FGF12: variants seen among roughly 807,000 people sequenced by gnomAD.
The protein encoded by FGF12 is fibroblast growth factor 12B.
In FGF12, 14 loss-of-function variants were observed where a neutral mutation model predicts 23.6. The ratio of observed to expected loss-of-function variants is 0.59; its 90% confidence interval spans 0.39 to 0.93. FGF12 has a LOEUF of 0.93. FGF12 is among the 40% of genes least tolerant of loss of function. FGF12 has a pLI of 0.00. For missense variants in FGF12, 175 were observed against 217.8 expected (o/e 0.80, Z 1.24); for synonymous variants, 62 against 77.3 (o/e 0.80, Z 1.04).
chr3:192,216,614 T>A (rs1718206354), intron 4 of FGF12, among the ~76,000 whole-genome samples: 1 of 152,240 alleles, frequency 6.6e-6, no homozygotes, highest in Non-Finnish European at 1.5e-5. Flanking sequence ...AAAAGAAAAT[T>A]ATTGACATTT....
At chr3:192,631,128 T>A (rs1191278291) in intron 2 of FGF12, among the ~76,000 whole-genome samples, 1 of 152,186 alleles carries the variant, frequency 6.6e-6, no homozygotes, top group African/African-American at 2.4e-5. Context: ...TTTTTTTGCC[T>A]TTGTTCTTAT....
chr3:192,289,547 G>A (rs1714646022), intron 4 of FGF12, among the ~76,000 whole-genome samples: 1 of 152,188 alleles, frequency 6.6e-6, no homozygotes. Flanking sequence ...GTGAGGAAGA[G>A]ACTGGAATCT....
intron 4 of FGF12, among the ~76,000 whole-genome samples, chr3:192,231,302 C>T (rs1042019126): frequency 4.0e-5 from 6 of 151,722 alleles, no homozygotes; most frequent in African/African-American, 1.5e-4. Context: ...TTTTACTAAG[C>T]TAAAATTTAA....
chr3:192,698,041 T>TA (rs1718179959), intron 2 of FGF12, among the ~76,000 whole-genome samples: 1 of 152,188 alleles, frequency 6.6e-6, no homozygotes, highest in Non-Finnish European at 1.5e-5. Context: ...ATGTTCTATT[T>TA]ATTTGATAGT....
At chr3:192,723,831 T>A (rs969842795) in intron 2 of FGF12, among the ~76,000 whole-genome samples, 1 of 130,954 alleles carries the variant, frequency 7.6e-6, no homozygotes, top group Non-Finnish European at 1.6e-5. Context: ...TAGGTGGGGG[T>A]CAGTGGGAGG....
intron 2 of FGF12, among the ~76,000 whole-genome samples, chr3:192,666,721 A>C (rs1205305436): frequency 1.3e-5 from 2 of 152,148 alleles, no homozygotes; most frequent in African/African-American, 4.8e-5. Context: ...TATTCAATGC[A>C]AATGTCCTGA....
At chr3:192,322,223 A>C (rs537217179) in intron 4 of FGF12, among the ~76,000 whole-genome samples, 6 of 152,070 alleles carry the variant, frequency 3.9e-5, no homozygotes, top group Non-Finnish European at 8.8e-5. Flanking sequence ...TTACAATAGC[A>C]ACAAATGAAA....
chr3:192,322,874 A>C (rs569030691), intron 4 of FGF12, among the ~76,000 whole-genome samples: 1 of 152,202 alleles, frequency 6.6e-6, no homozygotes, highest in Non-Finnish European at 1.5e-5. Flanking sequence ...CTTAAATCTA[A>C]GACCTCAAAG....
chr3:192,277,372 G>A (rs1021371071), intron 4 of FGF12, among the ~76,000 whole-genome samples: 13 of 151,856 alleles, frequency 8.6e-5, no homozygotes, highest in African/African-American at 3.2e-4. Context: ...TGGGCTGAAT[G>A]AGAAAGCATT....
chr3:192,414,215 C>T (rs898538780), intron 2 of FGF12, among the ~76,000 whole-genome samples: 3 of 152,122 alleles, frequency 2.0e-5, no homozygotes, highest in African/African-American at 7.2e-5. Context: ...ATGAGAAGTG[C>T]CCTACACACT....
At chr3:192,584,830 GC>G (rs1713307107) in intron 2 of FGF12, among the ~76,000 whole-genome samples, 1 of 151,884 alleles carries the variant, frequency 6.6e-6, no homozygotes, top group African/African-American at 2.4e-5. Context: ...ATGCAATGTT[GC>G]TTTTCCTCTA....
intron 2 of FGF12, among the ~76,000 whole-genome samples, chr3:192,392,152 T>G (rs921386811): frequency 1.3e-5 from 2 of 152,198 alleles, no homozygotes; most frequent in African/African-American, 4.8e-5. Flanking sequence ...TTTTTGTTTC[T>G]CAGAAGACTT....
At chr3:192,335,494 A>G (rs768632926) in intron 3 of FGF12, 30 bp from the exon 4 acceptor site, 7 of 1,320,974 alleles carry the variant, frequency 5.3e-6, no homozygotes, top group Admixed American at 1.7e-5. Flanking sequence ...GGCGGAAAGG[A>G]TCAGTGACCT....
At chr3:192,167,762 TATATATAAAA>T (rs1265326485) in intron 5 of FGF12, among the ~76,000 whole-genome samples, 3,767 of 38,108 alleles carry the variant, frequency 0.099, 359 homozygotes, top group African/African-American at 0.17. Context: ...TATATATATA[TATATATAAAA>T]TTTTTTTTTT....
At chr3:192,680,442 G>A (rs1001292318) in intron 2 of FGF12, among the ~76,000 whole-genome samples, 1 of 152,192 alleles carries the variant, frequency 6.6e-6, no homozygotes, top group Non-Finnish European at 1.5e-5. Flanking sequence ...GCCTTCGGTT[G>A]GGAGGTGGTA....
At chr3:192,247,777 CA>C (rs1427765711) in intron 4 of FGF12, among the ~76,000 whole-genome samples, 6 of 151,834 alleles carry the variant, frequency 4.0e-5, no homozygotes, top group Non-Finnish European at 1.5e-5. Context: ...AGATGAAGGC[CA>C]AAAGAGTGAG....
intron 2 of FGF12, among the ~76,000 whole-genome samples, chr3:192,711,580 A>G (rs1718682722): frequency 1.3e-5 from 2 of 151,524 alleles, no homozygotes; most frequent in Admixed American, 1.3e-4. Flanking sequence ...GACATAGGAG[A>G]CTCCATTTTG....
chr3:192,230,792 C>T lies in FGF12; in HGVS notation c.229-60136G>A, dbSNP rs1340084150. ...GTATAATTTTAATAGGATTAGAGGA[C>T]ACCTTGAAATGTAAGGAATGATCAA... On this transcript the variant is annotated intron_variant, in intron 4 of 5. Transcript: ENST00000445105. 2.6e-5 allele frequency among the ~76,000 whole-genome samples: 4 copies of T among 151,912 alleles called. No homozygotes were observed. The East Asian group carries it at 5.8e-4, about 22-fold the overall frequency.
At chr3:192,376,462 A>T (rs1461978359) in intron 2 of FGF12, among the ~76,000 whole-genome samples, 1 of 152,036 alleles carries the variant, frequency 6.6e-6, no homozygotes, top group African/African-American at 2.4e-5. Flanking sequence ...TCCCAGGTTC[A>T]AACAATTCTC....
Sources: gnomAD v4.1 joint callset for allele counts (sites outside exome capture counted in the v4.1 genomes callset) on GRCh38, gnomAD v4.1.1 for gene constraint, MANE v1.5 for transcripts, NCBI Gene and HGNC (gene_info 2026-07-23, HGNC 2026-07-21) for gene names.